The following BPTF variants were observed in gnomAD, a reference collection of about 807,000 sequenced individuals.
The protein encoded by BPTF is nucleosome-remodeling factor subunit BPTF.
Under a neutral mutation model 292.5 loss-of-function variants are expected in BPTF, and 18 were observed. That is an observed-to-expected ratio of 0.06 (90% confidence interval 0.04 to 0.09). The LOEUF (loss-of-function observed/expected upper bound fraction) is 0.09. BPTF is among the 10% of genes least tolerant of loss of function. The probability of loss-of-function intolerance (pLI) is 1.00; values close to 1 mark genes in which losing one functional copy is unlikely to be tolerated. For synonymous variants in BPTF, 1,225 were observed against 1,251.9 expected, an observed-to-expected ratio of 0.98 and a Z score of 0.45; for missense variants, 2,726 against 3,498.7, an observed-to-expected ratio of 0.78 and a Z score of 5.57.
At chr17:67,930,636 T>A (rs1181078346) in intron 17 of BPTF, among the ~76,000 whole-genome samples, 2 of 152,196 alleles carry the variant, frequency 1.3e-5, no homozygotes, top group Non-Finnish European at 2.9e-5. Flanking sequence ...AAATACTTTC[T>A]AGTTTCCCTT....
In BPTF at chr17:67,825,907, G is replaced by A. The variant is rs1317837327; in HGVS notation, c.183G>A (p.Lys61=). Residue 61 remains lysine (K), a synonymous_variant, in exon 1 of 28, where the codon AAG becomes AAA. Coordinates refer to ENST00000306378, the MANE Select transcript of BPTF (RefSeq NM_182641.4). ...WAAAQAEVAP[K]TRLSSPRGGS... ...CCGCCCAGGCTGAGGTGGCGCCCAA[G>A]ACGCGGCTGAGCTCGCCCAGGGGGG... 4.9e-6 allele frequency: 5 copies of A among 1,015,266 alleles called. No individual in the cohort carries two copies. In the Admixed American group the frequency reaches 2.4e-4, roughly 48 times the overall value. 62.9% of individuals were successfully genotyped at this position (1,015,266 alleles called of 1,614,324 possible).
chr17:67,922,731 T>G, intron 13 of BPTF, 109 bp from the exon 14 acceptor site: 1 of 1,206,370 alleles, frequency 8.3e-7, no homozygotes, highest in Non-Finnish European at 1.1e-6. Flanking sequence ...GCAGAGACCA[T>G]CTGGCTATTT....
chr17:67,885,100 T>A (rs1380528515), intron 4 of BPTF, among the ~76,000 whole-genome samples: 1 of 152,236 alleles, frequency 6.6e-6, no homozygotes, highest in African/African-American at 2.4e-5. Context: ...AGATAGTTAC[T>A]GCAATAGACT....
intron 1 of BPTF, among the ~76,000 whole-genome samples, chr17:67,842,375 C>T (rs2057624970): frequency 6.6e-6 from 1 of 152,182 alleles, no homozygotes; most frequent in Non-Finnish European, 1.5e-5. Flanking sequence ...ATCCCTCTTA[C>T]ATGTGATAGT....
chr17:67,868,790 T>TTCTA (rs2059537408), intron 3 of BPTF, among the ~76,000 whole-genome samples: 1 of 152,226 alleles, frequency 6.6e-6, no homozygotes, highest in South Asian at 2.1e-4. Context: ...TTCTCACATA[T>TTCTA]TCTACATCAA....
At chr17:67,966,066 G>C (rs1598972765) in intron 25 of BPTF, 1 of 155,446 alleles carries the variant, frequency 6.4e-6, no homozygotes, top group Admixed American at 6.2e-5. Context: ...AAAAAGTGGG[G>C]GGAAATAAAA....
chr17:67,904,782 G>A lies in BPTF; in HGVS notation c.2754G>A (p.Arg918=). 6.2e-7 allele frequency: 1 copy of A among 1,613,068 alleles called. No individual in the cohort carries two copies. The highest frequency in any genetic ancestry group is 2.2e-5 in the East Asian group (1 of 44,802). Residue 918 remains arginine, a synonymous_variant, in exon 9 of 28, where the codon AGG becomes AGA. Coordinates refer to ENST00000306378, the MANE Select transcript of BPTF (RefSeq NM_182641.4). ...GGATTAGTAAAACTCATGTTTATAG[G>A]TTTGTTCCTAAATTGCCAGGCAATA... is the stretch of plus-strand genomic sequence containing the variant. ...WSWISKTHVY[R]FVPKLPGNTN...
At chr17:67,862,952 C>T (rs765989620) in intron 2 of BPTF, among the ~76,000 whole-genome samples, 7 of 151,798 alleles carry the variant, frequency 4.6e-5, no homozygotes, top group Non-Finnish European at 1.0e-4. Flanking sequence ...AACAGTTCTT[C>T]AGCCTCTTCC....
In BPTF at chr17:67,825,595, C is replaced by G. The variant is rs758887861; in HGVS notation, c.-130C>G. ...TCGGATTGAGCCTTCTCCCTCCACC[C>G]GCTTCCGTCGGCCGGGCCCCTCCCG... On this transcript the variant is annotated 5_prime_UTR_variant, in exon 1 of 28. Transcript: ENST00000306378. The G allele has an allele frequency of 8.0e-4, 321 of 402,954 alleles. No individual in the cohort carries two copies. Among genetic ancestry groups the G allele is most frequent in the Non-Finnish European group, 1.1e-3 (242 of 215,608 alleles). 25.0% of individuals were successfully genotyped at this position (402,954 alleles called of 1,614,324 possible). A position where few individuals can be genotyped will look rare whatever the true frequency, so the allele number is the denominator to read the frequency against.
At chr17:67,921,604 T>C (rs1385533462) in intron 13 of BPTF, among the ~76,000 whole-genome samples, 2 of 152,184 alleles carry the variant, frequency 1.3e-5, no homozygotes, top group Admixed American at 6.6e-5. Context: ...TAAAAGTTAG[T>C]TCTCCCCAAA....
At chr17:67,899,604 C>T (rs1209366612) in intron 7 of BPTF, among the ~76,000 whole-genome samples, 1 of 149,486 alleles carries the variant, frequency 6.7e-6, no homozygotes, top group African/African-American at 2.5e-5. Flanking sequence ...AATCTCAGCT[C>T]ACTGCAACCT....
At chr17:67,837,073 G>A (rs933412411) in intron 1 of BPTF, among the ~76,000 whole-genome samples, 1 of 152,016 alleles carries the variant, frequency 6.6e-6, no homozygotes, top group African/African-American at 2.4e-5. Flanking sequence ...TTATGGCAAG[G>A]GTCACAAATT....
chr17:67,965,011 A>AG (rs1555686443), intron 25 of BPTF: 1 of 149,936 alleles, frequency 6.7e-6, no homozygotes, highest in East Asian at 2.0e-4. Flanking sequence ...AAAAAAAAAA[A>AG]AAAAAAAAAG....
In BPTF at chr17:67,826,180, C is replaced by T. The variant is rs148162720; in HGVS notation, c.456C>T (p.Ala152=). 32 of 1,602,430 alleles carry T rather than the reference C, an allele frequency of 2.0e-5. No homozygotes were observed. Among genetic ancestry groups the T allele is most frequent in the East Asian group, 4.5e-5 (2 of 44,796 alleles). ...SEEEEEEDGD[A]EETQDSEDDE... ...AGGAGGAGGAGGAGGACGGCGACGC[C>T]GAGGAGACCCAGGATTCTGAGGACG... The change falls in exon 1 of 28, where the codon GCC becomes GCT. Residue 152 remains alanine (A), a synonymous_variant. Coordinates refer to ENST00000306378, the MANE Select transcript of BPTF (RefSeq NM_182641.4).
At position 67,945,473 on chromosome 17, in the gene BPTF, G is replaced by A. The variant is rs1555674041; in HGVS notation, c.6765G>A (p.Leu2255=). Residue 2255 remains leucine, a synonymous_variant, in exon 21 of 28, where the codon CTG becomes CTA. Transcript: ENST00000306378. ...PQMQVHQDKT[L]PPAQSSSVGP... ...TGCAGGTACATCAAGACAAAACCCT[G>A]CCACCAGCTCAGTCATCAAGTGTGG... is the stretch of plus-strand genomic sequence containing the variant. 1 of 1,614,036 alleles carries A rather than the reference G, an allele frequency of 6.2e-7. No homozygotes were observed. Among genetic ancestry groups the A allele is most frequent in the South Asian group, 1.1e-5 (1 of 91,082 alleles).
intron 2 of BPTF, among the ~76,000 whole-genome samples, chr17:67,860,115 A>G (rs1163992797): frequency 2.0e-5 from 3 of 152,242 alleles, no homozygotes; most frequent in Non-Finnish European, 2.9e-5. Context: ...CAGATTTTAA[A>G]GATGATTTCA....
intron 24 of BPTF, among the ~76,000 whole-genome samples, chr17:67,963,750 A>G (rs2067734076): frequency 6.6e-6 from 1 of 152,344 alleles, no homozygotes; most frequent in African/African-American, 2.4e-5. Context: ...TTGATTCTTC[A>G]ATATGTAACA....
At chr17:67,828,067 GA>G (rs913534804) in intron 1 of BPTF, among the ~76,000 whole-genome samples, 7 of 151,798 alleles carry the variant, frequency 4.6e-5, no homozygotes, top group African/African-American at 1.7e-4. Flanking sequence ...GAGCAGCTGG[GA>G]TTACAGGTGC....
chr17:67,845,206 C>T (rs2057944228), intron 1 of BPTF, among the ~76,000 whole-genome samples: 2 of 152,042 alleles, frequency 1.3e-5, no homozygotes, highest in African/African-American at 2.4e-5. Flanking sequence ...TAGAATCATC[C>T]CTGTAAAGGT....
Sources: gnomAD v4.1 joint callset for allele counts (sites outside exome capture counted in the v4.1 genomes callset) on GRCh38, gnomAD v4.1.1 for gene constraint, MANE v1.5 for transcripts, NCBI Gene and HGNC (gene_info 2026-07-23, HGNC 2026-07-21) for gene names.